Variants in OSBPL5 observed in about 807,000 individuals in gnomAD.
OSBPL5 encodes the protein oxysterol-binding protein-related protein 5.
In OSBPL5, 71 loss-of-function variants were observed where a neutral mutation model predicts 111.2. The observed-to-expected ratio is 0.64, with a 90% CI of 0.53 to 0.78. The LOEUF is 0.78. Ranked by LOEUF, OSBPL5 falls within the 30% of genes least tolerant of loss-of-function variation. The pLI, the probability that OSBPL5 is intolerant of heterozygous loss-of-function variation, is 0.00. For synonymous variants in OSBPL5, 549 were observed against 513.9 expected, an observed-to-expected ratio of 1.07 and a Z score of -0.93; for missense variants, 1,210 against 1,189.3, an observed-to-expected ratio of 1.02 and a Z score of -0.26.
At chr11:3,102,128 A>T in intron 12 of OSBPL5, 55 bp downstream of exon 12, 2 of 1,502,258 alleles carry the variant, frequency 1.3e-6, no homozygotes, top group Non-Finnish European at 1.8e-6. Context: ...GCCCCCACAG[A>T]GCCCCGCCCC....
intron 11 of OSBPL5, 103 bp from the exon 12 acceptor site, chr11:3,102,384 C>T (rs915659160): frequency 3.3e-5 from 35 of 1,058,380 alleles, no homozygotes; most frequent in African/African-American, 1.9e-4. Context: ...GTGGGCTACC[C>T]GCTGCCTGCT....
intron 7 of OSBPL5, among the ~76,000 whole-genome samples, chr11:3,112,395 C>T (rs1858028123): frequency 6.6e-6 from 1 of 151,938 alleles, no homozygotes; most frequent in South Asian, 2.1e-4. Flanking sequence ...CTTATGAAAC[C>T]CCAAGAATGT....
Position 3,126,537 on chromosome 11 carries a change from T to C in OSBPL5, c.155A>G (p.Asn52Ser), listed in dbSNP as rs779656230. The C allele has an allele frequency of 1.9e-6, 3 of 1,608,598 alleles. No homozygotes were observed. Among genetic ancestry groups the C allele is most frequent in the East Asian group, 2.2e-5 (1 of 44,636 alleles). Reference protein sequence around the residue: ...PLSPGKDMEPNGPSLPRDEGP... With the variant: ...PLSPGKDMEPSGPSLPRDEGP... ...TTCATCCCTGGGCAGCGACGGGCCG[T>C]TGGGCTCCATGTCCTTCCCTGCAAG... Residue 52 changes from asparagine (N) to serine (S), a missense_variant, in exon 3 of 22, where the codon AAC becomes AGC. Physicochemically the swap from Asn to Ser is conservative, Grantham distance 46. Coordinates refer to ENST00000263650, the MANE Select transcript of OSBPL5 (RefSeq NM_020896.4). This position sits in a 1 kb window ranked among gnomAD's most constrained non-coding sequence, Gnocchi z 6.5.
rs1023894570 is a variant in OSBPL5 at position 3,106,491 on chromosome 11, G to A, written c.1059+772C>T. Among the ~76,000 whole-genome samples, 27 of 151,144 alleles carry A rather than the reference G, an allele frequency of 1.8e-4. No individual in the cohort carries two copies. Among genetic ancestry groups the A allele is most frequent in the African/African-American group, 5.4e-4 (22 of 41,066 alleles). ...AAGCTTAGATCCTGTGATTCCTTCC[G>A]GACTCCCCTTCCTGAGGCGCCCCAC... On this transcript the variant is annotated intron_variant, in intron 9 of 21. Coordinates refer to ENST00000263650, the MANE Select transcript of OSBPL5 (RefSeq NM_020896.4). This position sits in a 1 kb window ranked among gnomAD's most constrained non-coding sequence, Gnocchi z 8.4.
chr11:3,107,579 C>G lies in OSBPL5; in HGVS notation c.867-124G>C. ...TTCCTGCCTGTCGTCACCTCCACAA[C>G]CCACATTTGACACGATCAGCCCCGT... On this transcript the variant is annotated intron_variant, in intron 8 of 21. Transcript: ENST00000263650. This position sits in a 1 kb window ranked among gnomAD's most constrained non-coding sequence, Gnocchi z 6.1. The G allele has an allele frequency of 7.3e-7, 1 of 1,375,068 alleles. No individual in the cohort carries two copies. The highest frequency in any genetic ancestry group is 1.0e-6 in the Non-Finnish European group (1 of 990,066). 85.2% of individuals were successfully genotyped at this position (1,375,068 alleles called of 1,614,324 possible).
intron 1 of OSBPL5, among the ~76,000 whole-genome samples, chr11:3,158,618 G>A (rs1192317368): frequency 6.6e-6 from 1 of 152,236 alleles, no homozygotes; most frequent in African/African-American, 2.4e-5. Context: ...ACCTCTTCTG[G>A]GCTGCACACT....
chr11:3,121,850 T>G lies in OSBPL5; in HGVS notation c.402+147A>C. The G allele has an allele frequency of 1.4e-6, 1 of 693,816 alleles. No individual in the cohort carries two copies. Among genetic ancestry groups the G allele is most frequent in the Admixed American group, 2.5e-5 (1 of 40,142 alleles). The allele number at this position is 693,816 out of a possible 1,614,324, so 43.0% of individuals were successfully genotyped here. A position where few individuals can be genotyped will look rare whatever the true frequency, so the allele number is the denominator to read the frequency against. ...GACAGGTGGATAAGGAAAGGCCTCA[T>G]GAGGAAGGAGCAGAGGCTGCAGTGA... On this transcript the variant is annotated intron_variant, in intron 5 of 21. Transcript: ENST00000263650. The surrounding 1 kb of genome is among the most constrained non-coding windows in gnomAD (Gnocchi z 4.3).
chr11:3,107,151 A>AC lies in OSBPL5; in HGVS notation c.1059+111dup. On this transcript the variant is annotated intron_variant, in intron 9 of 21. Coordinates refer to ENST00000263650, the MANE Select transcript of OSBPL5 (RefSeq NM_020896.4). The surrounding 1 kb of genome is among the most constrained non-coding windows in gnomAD (Gnocchi z 6.1). ...CTGCCAAGTGATGGGGACAAAAGCT[A>AC]CCCCCTGGGCCCTGCGTGCTCCCCC... The AC allele has an allele frequency of 2.5e-6, 3 of 1,221,450 alleles. No individual in the cohort carries two copies. The Admixed American group carries it at 7.8e-5, about 32-fold the overall frequency. 75.7% of individuals were successfully genotyped at this position (1,221,450 alleles called of 1,614,324 possible).
chr11:3,118,253 C>A (rs542389196), intron 7 of OSBPL5, among the ~76,000 whole-genome samples: 1 of 152,230 alleles, frequency 6.6e-6, no homozygotes, highest in African/African-American at 2.4e-5. Flanking sequence ...ACCTGCCCCC[C>A]CATTCTATTC....
At chr11:3,155,019 A>G (rs1334522249) in intron 1 of OSBPL5, among the ~76,000 whole-genome samples, 1 of 152,242 alleles carries the variant, frequency 6.6e-6, no homozygotes, top group Non-Finnish European at 1.5e-5. Context: ...AGATGAGGAC[A>G]CAGGCACACA....
At chr11:3,096,336 C>T (rs548468143) in intron 14 of OSBPL5, among the ~76,000 whole-genome samples, 7 of 152,072 alleles carry the variant, frequency 4.6e-5, no homozygotes, top group East Asian at 3.9e-4. Flanking sequence ...AGGGAAATCC[C>T]GGCCTGGCGT....
At chr11:3,147,462 G>A (rs552499765) in intron 1 of OSBPL5, among the ~76,000 whole-genome samples, 117 of 152,362 alleles carry the variant, frequency 7.7e-4, no homozygotes, top group African/African-American at 2.7e-3. Context: ...CGTGCCCCAG[G>A]CTGTGGGTCA....
intron 1 of OSBPL5, among the ~76,000 whole-genome samples, chr11:3,156,731 C>T (rs1189750508): frequency 1.3e-5 from 2 of 152,214 alleles, no homozygotes; most frequent in Non-Finnish European, 2.9e-5. Context: ...ACGATATAGG[C>T]GTGATAGGAG....
rs1252097884 is a variant in OSBPL5, at chr11:3,141,867, G to A, written c.-21-12698C>T. ...AAAAAGACTGCAAGAGTACAAATGC[G>A]CCATTTTCCCACTTTCTCTCCATGT... On this transcript the variant is annotated intron_variant, in intron 1 of 21. Transcript: ENST00000263650. This position sits in a 1 kb window ranked among gnomAD's most constrained non-coding sequence, Gnocchi z 6.5. Among the ~76,000 whole-genome samples the A allele has an allele frequency of 2.6e-5, 4 of 151,256 alleles. No individual in the cohort carries two copies. The highest frequency in any genetic ancestry group is 6.6e-5 in the Admixed American group (1 of 15,150).
At chr11:3,139,828 C>A (rs1434875568) in intron 1 of OSBPL5, among the ~76,000 whole-genome samples, 1 of 152,242 alleles carries the variant, frequency 6.6e-6, no homozygotes, top group African/African-American at 2.4e-5. Flanking sequence ...CGAGGCCCAG[C>A]CACGCGCCCT....
In OSBPL5 at chr11:3,119,801, A is replaced by G. The variant is rs1208044177; in HGVS notation, c.607-170T>C. Reference sequence around the variant, plus strand: ...TGGCCAGGTAGACACTTGGCTGCAGAGAGGCGGGTAGGTGGGGGAGCTCTG... The same window carrying G: ...TGGCCAGGTAGACACTTGGCTGCAGGGAGGCGGGTAGGTGGGGGAGCTCTG... On this transcript the variant is annotated intron_variant, in intron 6 of 21. Transcript: ENST00000263650. The G allele has an allele frequency of 5.4e-6, 3 of 560,122 alleles. No individual in the cohort carries two copies. In the Admixed American group the frequency reaches 1.2e-4, roughly 22 times the overall value. 34.7% of individuals were successfully genotyped at this position (560,122 alleles called of 1,614,324 possible).
intron 17 of OSBPL5, 162 bp downstream of exon 17, chr11:3,093,365 C>T (rs1857131154): frequency 2.6e-6 from 3 of 1,168,102 alleles, no homozygotes; most frequent in Admixed American, 5.0e-5. Context: ...CTCCATCTGT[C>T]CTTTCCAGGA....
intron 3 of OSBPL5, among the ~76,000 whole-genome samples, chr11:3,123,545 G>A (rs573144446): frequency 1.2e-4 from 18 of 152,354 alleles, no homozygotes; most frequent in Admixed American, 2.6e-4. Flanking sequence ...CCTAAATGCC[G>A]TCTGGCCTTT....
rs1001220112 is a variant in OSBPL5, at chr11:3,113,734, G to T, written c.692-5789C>A. 2.0e-5 allele frequency among the ~76,000 whole-genome samples: 3 copies of T among 152,254 alleles called. No individual in the cohort carries two copies. Among genetic ancestry groups the T allele is most frequent in the South Asian group, 2.1e-4 (1 of 4,830 alleles). ...TAAGATTACCATAACTTCTAATCTGGTGGCTTTAGGTAGTCTAGTCCACAG... is the reference window on the plus strand; with the variant it reads ...TAAGATTACCATAACTTCTAATCTGTTGGCTTTAGGTAGTCTAGTCCACAG... On this transcript the variant is annotated intron_variant, in intron 7 of 21. Coordinates refer to ENST00000263650, the MANE Select transcript of OSBPL5 (RefSeq NM_020896.4). This position sits in a 1 kb window ranked among gnomAD's most constrained non-coding sequence, Gnocchi z 4.8.
Sources: allele counts gnomAD v4.1 joint callset (sites outside exome capture counted in the v4.1 genomes callset), GRCh38; gene constraint gnomAD v4.1.1; non-coding constraint Gnocchi (gnomAD v3.1); transcripts MANE v1.5; gene names NCBI Gene and HGNC (gene_info 2026-07-23, HGNC 2026-07-21).